CNTN6: variants seen among roughly 807,000 people sequenced by gnomAD.
CNTN6 encodes the protein contactin-6.
CNTN6 carries 137 observed loss-of-function variants against 122.8 expected under a neutral mutation model. The observed-to-expected ratio is 1.12, with a 90% CI of 0.97 to 1.29. CNTN6 has a LOEUF of 1.29. Ranked by LOEUF, CNTN6 falls within the 50% of genes most tolerant of loss-of-function variation. The probability of loss-of-function intolerance (pLI) is 0.00; values close to 1 mark genes in which losing one functional copy is unlikely to be tolerated. For missense variants in CNTN6, 1,634 were observed against 1,223.4 expected (o/e 1.34, Z -5.01); for synonymous variants, 570 against 426.0 (o/e 1.34, Z -4.16).
At chr3:1,281,026 G>C (rs926082143) in intron 5 of CNTN6, among the ~76,000 whole-genome samples, 4 of 151,964 alleles carry the variant, frequency 2.6e-5, no homozygotes, top group African/African-American at 9.7e-5. Context: ...TCTTGTGAGG[G>C]CTCACCTGAT....
intron 11 of CNTN6, among the ~76,000 whole-genome samples, chr3:1,344,565 G>T (rs921130599): frequency 6.6e-6 from 1 of 152,142 alleles, no homozygotes; most frequent in Non-Finnish European, 1.5e-5. Context: ...AAGCAGATTG[G>T]AGAGTGAAAC....
At chr3:1,250,089 T>C (rs2094639905) in intron 4 of CNTN6, among the ~76,000 whole-genome samples, 2 of 152,190 alleles carry the variant, frequency 1.3e-5, no homozygotes, top group South Asian at 2.1e-4. Context: ...TAGCTGACTA[T>C]GGGCCCTGAA....
chr3:1,121,282 G>T (rs2091939820), intron 1 of CNTN6, among the ~76,000 whole-genome samples: 1 of 151,726 alleles, frequency 6.6e-6, no homozygotes, highest in South Asian at 2.1e-4. Context: ...GAGCTTCAGG[G>T]AAAACATTGT....
intron 12 of CNTN6, among the ~76,000 whole-genome samples, chr3:1,368,702 A>AT (rs1176152739): frequency 2.0e-5 from 3 of 152,206 alleles, no homozygotes; most frequent in Non-Finnish European, 4.4e-5. Context: ...TATAACCTCA[A>AT]TAAAGTATTA....
chr3:1,337,767 C>T (rs922766032), intron 11 of CNTN6, among the ~76,000 whole-genome samples: 1 of 152,106 alleles, frequency 6.6e-6, no homozygotes, highest in Admixed American at 6.6e-5. Flanking sequence ...GTGAGCCTTT[C>T]CAAGGGAATA....
At chr3:1,344,071 AAGTT>A (rs1392881024) in intron 11 of CNTN6, among the ~76,000 whole-genome samples, 2 of 152,168 alleles carry the variant, frequency 1.3e-5, no homozygotes, top group African/African-American at 4.8e-5. Flanking sequence ...GGCTGCGGTT[AAGTT>A]AGTTATTGAA....
chr3:1,099,248 G>A lies in CNTN6; in HGVS notation c.-83+6128G>A, dbSNP rs201000102. 9.7e-4 allele frequency among the ~76,000 whole-genome samples: 147 copies of A among 152,004 alleles called. No homozygotes were observed. In the East Asian group the frequency reaches 0.026, roughly 27 times the overall value. ...GGGCGGATCACGAGGTCAGGAGATCGAGACCATCCTGGCTAACACGGTGAA... is the reference window on the plus strand; with the variant it reads ...GGGCGGATCACGAGGTCAGGAGATCAAGACCATCCTGGCTAACACGGTGAA... On this transcript the variant is annotated intron_variant, in intron 1 of 22. Transcript: ENST00000446702.
In CNTN6 at chr3:1,402,399, G is replaced by C; in HGVS notation, c.2899G>C (p.Glu967Gln). The stretch of plus-strand genomic sequence containing the variant: ...ATCAGCTGAGCTTCTGGTTCCATTT[G>C]AAGAAGACTACTTAATTGAAATAAG... Reference protein sequence around the residue: ...NTSAELLVPFEEDYLIEIRTV... With the variant: ...NTSAELLVPFQEDYLIEIRTV... Residue 967 changes from glutamate (E) to glutamine (Q), a missense_variant, in exon 22 of 23, where the codon GAA becomes CAA. Glu to Gln is a conservative substitution (Grantham distance 29, BLOSUM62 2). Transcript: ENST00000446702. 1 of 1,612,400 alleles carries C rather than the reference G, an allele frequency of 6.2e-7. No homozygotes were observed. The highest frequency in any genetic ancestry group is 8.5e-7 in the Non-Finnish European group (1 of 1,178,962).
chr3:1,327,507 G>A lies in CNTN6; in HGVS notation c.1134G>A (p.Val378=), dbSNP rs990192916. ...CACTCATCATAACGATGCTGAATGT[G>A]TCAGATTCTGGTGTGTACCAATGTG... is the stretch of plus-strand genomic sequence containing the variant. ...NGTLIITMLN[V]SDSGVYQCAA... is the part of the protein sequence containing the mutation. The change falls in exon 10 of 23, where the codon GTG becomes GTA. Residue 378 remains valine (V), a synonymous_variant. Transcript: ENST00000446702. 9 of 1,610,788 alleles carry A rather than the reference G, an allele frequency of 5.6e-6. No homozygotes were observed. In the African/African-American group the frequency reaches 8.0e-5, roughly 14 times the overall value.
At chr3:1,364,617 G>A (rs1165533283) in intron 12 of CNTN6, among the ~76,000 whole-genome samples, 1 of 151,978 alleles carries the variant, frequency 6.6e-6, no homozygotes, top group Admixed American at 6.6e-5. Flanking sequence ...GATCATGAAA[G>A]GTAAGAGTGT....
intron 11 of CNTN6, among the ~76,000 whole-genome samples, chr3:1,332,529 AGGAGGGAG>A (rs1553687755): frequency 2.1e-5 from 2 of 97,380 alleles, no homozygotes; most frequent in Non-Finnish European, 4.2e-5. Flanking sequence ...GAAGGAAGGA[AGGAGGGAG>A]GGAAGGAAGG....
intron 4 of CNTN6, among the ~76,000 whole-genome samples, chr3:1,247,055 TG>T (rs1317290013): frequency 6.6e-6 from 1 of 152,200 alleles, no homozygotes; most frequent in African/African-American, 2.4e-5. Context: ...CTTTTTGAGA[TG>T]TTTTTTGTAA....
At chr3:1,161,534 T>C (rs1221422425) in intron 2 of CNTN6, among the ~76,000 whole-genome samples, 2 of 151,872 alleles carry the variant, frequency 1.3e-5, no homozygotes, top group African/African-American at 4.8e-5. Flanking sequence ...AACATGTGTA[T>C]ATACATATAT....
chr3:1,143,546 C>T (rs901839972), intron 1 of CNTN6, among the ~76,000 whole-genome samples: 2 of 152,150 alleles, frequency 1.3e-5, no homozygotes, highest in African/African-American at 4.8e-5. Flanking sequence ...ATGTCAGTGA[C>T]TAGCAGAAAT....
rs1169127167 is a variant in CNTN6 at position 1,098,789 on chromosome 3, CATAT to C, written c.-83+5695_-83+5698del. ...ACACACACACACACACACACACACA[CATAT>C]ATATATATATATATATATATATATA... On this transcript the variant is annotated intron_variant, in intron 1 of 22. Transcript: ENST00000446702. Among the ~76,000 whole-genome samples the C allele has an allele frequency of 4.9e-3, 309 of 63,264 alleles. 3 individuals carry two copies. The highest frequency in any genetic ancestry group is 5.7e-3 in the Non-Finnish European group (210 of 36,604). 41.5% of individuals were successfully genotyped at this position (63,264 alleles called of 152,430 possible).
At chr3:1,383,690 G>C (rs1692298825) in intron 19 of CNTN6, among the ~76,000 whole-genome samples, 1 of 152,168 alleles carries the variant, frequency 6.6e-6, no homozygotes, top group South Asian at 2.1e-4. Flanking sequence ...TATTGAGGCA[G>C]CAGTGTTACA....
intron 11 of CNTN6, among the ~76,000 whole-genome samples, chr3:1,334,474 A>G (rs983007195): frequency 1.3e-5 from 2 of 152,040 alleles, no homozygotes; most frequent in African/African-American, 4.8e-5. Flanking sequence ...ATATTCATGC[A>G]GTGTCTGCTT....
chr3:1,384,970 G>A (rs1219913547), intron 19 of CNTN6, among the ~76,000 whole-genome samples: 1 of 150,762 alleles, frequency 6.6e-6, no homozygotes, highest in Non-Finnish European at 1.5e-5. Context: ...TTCTCTCTGA[G>A]CTCTACTCCC....
chr3:1,400,549 G>A (rs576309136), intron 20 of CNTN6, among the ~76,000 whole-genome samples: 46 of 152,126 alleles, frequency 3.0e-4, no homozygotes, highest in Non-Finnish European at 1.8e-4. Flanking sequence ...CCTTTGGGAT[G>A]ATCAATCAGT....
Sources: allele counts gnomAD v4.1 joint callset (sites outside exome capture counted in the v4.1 genomes callset), GRCh38; gene constraint gnomAD v4.1.1; transcripts MANE v1.5; gene names NCBI Gene and HGNC (gene_info 2026-07-23, HGNC 2026-07-21).